Variants in CACNA2D3 observed in about 807,000 individuals in gnomAD.
CACNA2D3 encodes the protein voltage-dependent calcium channel subunit alpha-2/delta-3.
CACNA2D3 carries 60 observed loss-of-function variants against 160.6 expected under a neutral mutation model. The observed-to-expected ratio is 0.37, with a 90% CI of 0.30 to 0.46. CACNA2D3 has a LOEUF of 0.46. Among genes scored for constraint, CACNA2D3 ranks in the 20% least tolerant of loss-of-function variants. The probability of loss-of-function intolerance (pLI) is 1.00; values close to 1 mark genes in which losing one functional copy is unlikely to be tolerated. For synonymous variants in CACNA2D3, 558 were observed against 492.9 expected (o/e 1.13, Z -1.75); for missense variants, 1,205 against 1,365.0 (o/e 0.88, Z 1.85).
chr3:54,233,355 T>C (rs1208941328), intron 2 of CACNA2D3, among the ~76,000 whole-genome samples: 1 of 152,136 alleles, frequency 6.6e-6, no homozygotes, highest in Non-Finnish European at 1.5e-5. Flanking sequence ...CCACAGACTG[T>C]GGGCTGCATA....
chr3:54,642,243 T>C lies in CACNA2D3; in HGVS notation c.1167+2T>C. ...AAATACAATTGGCCAGATCGAAAGG[T>C]AAGTTGATGCTGATCCCGTCTGTGC... On this transcript the variant is annotated splice_donor_variant, in intron 11 of 37. Transcript: ENST00000474759. LOFTEE classifies it high-confidence loss of function. 6.3e-7 allele frequency: 1 copy of C among 1,584,088 alleles called. No homozygotes were observed. Among genetic ancestry groups the C allele is most frequent in the Non-Finnish European group, 8.7e-7 (1 of 1,155,772 alleles).
intron 9 of CACNA2D3, among the ~76,000 whole-genome samples, chr3:54,598,964 G>C (rs1703012837): frequency 6.6e-6 from 1 of 152,096 alleles, no homozygotes; most frequent in Non-Finnish European, 1.5e-5. Flanking sequence ...AAGAATTCTG[G>C]TTTTACACTA....
At chr3:54,188,103 A>T (rs1437696726) in intron 2 of CACNA2D3, among the ~76,000 whole-genome samples, 1 of 152,174 alleles carries the variant, frequency 6.6e-6, no homozygotes, top group Non-Finnish European at 1.5e-5. Context: ...AGAACACTCT[A>T]ATCTAGCTGT....
chr3:54,891,062 G>A (rs530446593), intron 24 of CACNA2D3, among the ~76,000 whole-genome samples: 13 of 152,156 alleles, frequency 8.5e-5, no homozygotes, highest in Admixed American at 5.2e-4. Context: ...AAAGATGTGT[G>A]TATGGTTGGA....
At chr3:54,202,218 G>A (rs778764596) in intron 2 of CACNA2D3, among the ~76,000 whole-genome samples, 1 of 152,212 alleles carries the variant, frequency 6.6e-6, no homozygotes, top group African/African-American at 2.4e-5. Flanking sequence ...TGCACTTGGT[G>A]CAGAAGGGAC....
intron 15 of CACNA2D3, among the ~76,000 whole-genome samples, chr3:54,838,060 C>T (rs1698735854): frequency 6.6e-6 from 1 of 152,148 alleles, no homozygotes. Context: ...AATGGGGCTC[C>T]AGAGGCCTAT....
intron 10 of CACNA2D3, chr3:54,634,494 C>CTG: frequency 6.6e-6 from 1 of 152,300 alleles, no homozygotes; most frequent in Admixed American, 6.5e-5. Context: ...TCATGCGCGT[C>CTG]TGTGTGAAGA....
intron 18 of CACNA2D3, among the ~76,000 whole-genome samples, chr3:54,872,858 A>G (rs2106823856): frequency 6.6e-6 from 1 of 152,290 alleles, no homozygotes. Flanking sequence ...GTGTCAGCTC[A>G]ATAGCATGGT....
intron 34 of CACNA2D3, among the ~76,000 whole-genome samples, chr3:55,013,359 A>G (rs1292955212): frequency 6.6e-6 from 1 of 152,202 alleles, no homozygotes; most frequent in African/African-American, 2.4e-5. Context: ...GTCTCATTCC[A>G]GCTGACAGCC....
At chr3:54,644,099 T>C (rs927077172) in intron 11 of CACNA2D3, among the ~76,000 whole-genome samples, 1 of 152,136 alleles carries the variant, frequency 6.6e-6, no homozygotes, top group Admixed American at 6.5e-5. Context: ...TATTGATATT[T>C]AAATGCCCTG....
At chr3:54,769,001 A>G (rs929336728) in intron 13 of CACNA2D3, among the ~76,000 whole-genome samples, 2 of 152,176 alleles carry the variant, frequency 1.3e-5, no homozygotes, top group African/African-American at 4.8e-5. Flanking sequence ...TGCCGGGTGA[A>G]GAGAAGGCAG....
At chr3:54,893,767 G>A (rs541773056) in intron 25 of CACNA2D3, among the ~76,000 whole-genome samples, 11 of 144,226 alleles carry the variant, frequency 7.6e-5, no homozygotes, top group South Asian at 2.2e-4. Flanking sequence ...AAACTTGGCC[G>A]TCACCCCCAA....
At chr3:54,902,167 G>T (rs1344781505) in intron 27 of CACNA2D3, among the ~76,000 whole-genome samples, 1 of 152,198 alleles carries the variant, frequency 6.6e-6, no homozygotes, top group Non-Finnish European at 1.5e-5. Context: ...TCTTCTGAAA[G>T]AAGAGGTGTA....
At chr3:54,424,344 C>T (rs1559477795) in intron 4 of CACNA2D3, among the ~76,000 whole-genome samples, 1 of 152,180 alleles carries the variant, frequency 6.6e-6, no homozygotes, top group East Asian at 1.9e-4. Context: ...GCAAAAAGTG[C>T]TAATGTTGAT....
chr3:54,483,568 G>A (rs1700968093), intron 4 of CACNA2D3, among the ~76,000 whole-genome samples: 1 of 152,114 alleles, frequency 6.6e-6, no homozygotes, highest in South Asian at 2.1e-4. Context: ...TTACCTTCTT[G>A]TATTATTTTT....
At chr3:54,948,165 C>T (rs1701662926) in intron 27 of CACNA2D3, among the ~76,000 whole-genome samples, 1 of 152,182 alleles carries the variant, frequency 6.6e-6, no homozygotes, top group Non-Finnish European at 1.5e-5. Context: ...CCTCTCACCC[C>T]CAGCTCACTT....
At chr3:54,313,696 C>T (rs1360081181) in intron 2 of CACNA2D3, among the ~76,000 whole-genome samples, 2 of 152,054 alleles carry the variant, frequency 1.3e-5, no homozygotes, top group South Asian at 2.1e-4. Flanking sequence ...GGACTTCCCT[C>T]CTTGCTGCTC....
At chr3:54,253,337 C>T (rs1000308553) in intron 2 of CACNA2D3, among the ~76,000 whole-genome samples, 5 of 151,942 alleles carry the variant, frequency 3.3e-5, no homozygotes, top group African/African-American at 7.3e-5. Flanking sequence ...GGAAGCACAG[C>T]GGATTCTGCT....
At chr3:54,705,650 AAC>A (rs1272937550) in intron 11 of CACNA2D3, among the ~76,000 whole-genome samples, 1 of 152,188 alleles carries the variant, frequency 6.6e-6, no homozygotes, top group African/African-American at 2.4e-5. Flanking sequence ...TATTTAATTC[AAC>A]AGTTTGGGCC....
Sources: gnomAD v4.1 joint callset for allele counts (sites outside exome capture counted in the v4.1 genomes callset) on GRCh38, gnomAD v4.1.1 for gene constraint, MANE v1.5 for transcripts, NCBI Gene and HGNC (gene_info 2026-07-23, HGNC 2026-07-21) for gene names.